VPS13B: variants seen among roughly 807,000 people sequenced by gnomAD.
VPS13B encodes the protein intermembrane lipid transfer protein VPS13B.
In VPS13B, 285 loss-of-function variants were observed where a neutral mutation model predicts 426.4. The ratio of observed to expected loss-of-function variants is 0.67; its 90% CI spans 0.61 to 0.74. VPS13B has a LOEUF of 0.74. VPS13B is among the 30% of genes least tolerant of loss of function. The probability of loss-of-function intolerance (pLI) is 0.00; values close to 1 mark genes in which losing one functional copy is unlikely to be tolerated. For synonymous variants in VPS13B, 1,676 were observed against 1,676.4 expected, an observed-to-expected ratio of 1.00 and a Z score of 0.01; for missense variants, 4,537 against 4,782.6, an observed-to-expected ratio of 0.95 and a Z score of 1.51.
intron 35 of VPS13B, among the ~76,000 whole-genome samples, chr8:99,698,268 G>A (rs550209840): frequency 5.9e-5 from 9 of 152,314 alleles, no homozygotes; most frequent in African/African-American, 2.2e-4. Flanking sequence ...GCAGCTGCCT[G>A]ACTCCAGAGG....
intron 33 of VPS13B, 73 bp downstream of exon 33, chr8:99,577,706 A>C (rs1414685015): frequency 6.4e-7 from 1 of 1,563,676 alleles, no homozygotes; most frequent in African/African-American, 1.4e-5. Context: ...GAAAACTATA[A>C]TTAAGCTGAC....
At chr8:99,057,753 A>G (rs1257534068) in intron 3 of VPS13B, among the ~76,000 whole-genome samples, 1 of 152,174 alleles carries the variant, frequency 6.6e-6, no homozygotes, top group Non-Finnish European at 1.5e-5. Context: ...TCAGTGAACA[A>G]TTCCACTGTG....
chr8:99,295,275 C>G (rs1455630337), intron 19 of VPS13B, among the ~76,000 whole-genome samples: 2 of 152,012 alleles, frequency 1.3e-5, no homozygotes, highest in South Asian at 4.1e-4. Context: ...AATGATACAT[C>G]TATAAACAGC....
chr8:99,197,030 G>A (rs1306750298), intron 17 of VPS13B, among the ~76,000 whole-genome samples: 4 of 152,092 alleles, frequency 2.6e-5, no homozygotes, highest in South Asian at 4.1e-4. Context: ...TTTTGATCAC[G>A]AGAGGCTGTT....
chr8:99,511,104 A>G lies in VPS13B; in HGVS notation c.4225A>G (p.Thr1409Ala), dbSNP rs1444137459. 2.5e-6 allele frequency: 4 copies of G among 1,612,312 alleles called. No individual in the cohort carries two copies. The highest frequency in any genetic ancestry group is 1.3e-5 in the African/African-American group (1 of 75,024). The change falls in exon 29 of 62, where the codon ACA becomes GCA. Residue 1409 changes from threonine to alanine, a missense_variant and splice_region_variant. Thr to Ala is a moderately conservative substitution (Grantham distance 58). Transcript: ENST00000357162. Reference protein sequence around the residue: ...VFLQCKEKSVTTTKLLDGTHQ... With the variant: ...VFLQCKEKSVATTKLLDGTHQ... ...TTGTGATTTCCTTTTTTTGGAACAG[A>G]CAACTACAAAACTTCTAGATGGCAC...
intron 35 of VPS13B, among the ~76,000 whole-genome samples, chr8:99,689,431 G>A (rs1250648118): frequency 6.6e-6 from 1 of 152,096 alleles, no homozygotes; most frequent in Non-Finnish European, 1.5e-5. Context: ...AAATGCACAG[G>A]ATATTCCAAA....
At chr8:99,398,751 G>T (rs973566545) in intron 21 of VPS13B, among the ~76,000 whole-genome samples, 2 of 151,344 alleles carry the variant, frequency 1.3e-5, no homozygotes, top group African/African-American at 4.8e-5. Flanking sequence ...ATAAGACTAT[G>T]TATCATTATA....
At chr8:99,019,904 G>A (rs1841804530) in intron 2 of VPS13B, among the ~76,000 whole-genome samples, 1 of 152,164 alleles carries the variant, frequency 6.6e-6, no homozygotes, top group South Asian at 2.1e-4. Flanking sequence ...TAGTTGGGTT[G>A]CTTTCATCTT....
At chr8:99,536,797 CACAACCTCA>C in intron 30 of VPS13B, 1 of 525,246 alleles carries the variant, frequency 1.9e-6, no homozygotes, top group South Asian at 1.4e-5. Context: ...TTCAGTGAGA[CACAACCTCA>C]GTGTTTCCAG....
At chr8:99,619,247 G>C (rs1222314571) in intron 33 of VPS13B, among the ~76,000 whole-genome samples, 2 of 152,164 alleles carry the variant, frequency 1.3e-5, no homozygotes, top group Non-Finnish European at 2.9e-5. Flanking sequence ...CAAAGGAAAG[G>C]AAGATCACCC....
intron 15 of VPS13B, among the ~76,000 whole-genome samples, chr8:99,168,023 T>C (rs562887568): frequency 6.6e-6 from 1 of 152,284 alleles, no homozygotes; most frequent in South Asian, 2.1e-4. Context: ...ATATAGGTTT[T>C]GTAAATCTAT....
chr8:99,728,807 G>C (rs1833465564), intron 39 of VPS13B, among the ~76,000 whole-genome samples: 1 of 152,178 alleles, frequency 6.6e-6, no homozygotes, highest in Admixed American at 6.5e-5. Context: ...TTAATATCAA[G>C]ATACAGTGGG....
At chr8:99,197,852 A>C (rs1814032342) in intron 17 of VPS13B, among the ~76,000 whole-genome samples, 1 of 151,962 alleles carries the variant, frequency 6.6e-6, no homozygotes, top group African/African-American at 2.4e-5. Context: ...ATGTTGTTTA[A>C]TTTTCACATA....
At chr8:99,224,890 A>C (rs1815926796) in intron 17 of VPS13B, among the ~76,000 whole-genome samples, 1 of 152,114 alleles carries the variant, frequency 6.6e-6, no homozygotes, top group Non-Finnish European at 1.5e-5. Flanking sequence ...TTAGATTCAA[A>C]GTTCCTCCCA....
At chr8:99,438,903 T>C (rs989854441) in intron 22 of VPS13B, among the ~76,000 whole-genome samples, 3 of 152,172 alleles carry the variant, frequency 2.0e-5, no homozygotes, top group African/African-American at 4.8e-5. Flanking sequence ...ATGAGGCTAA[T>C]AATATATGGG....
intron 40 of VPS13B, 79 bp from the exon 41 acceptor site, chr8:99,776,696 C>A: frequency 7.5e-7 from 1 of 1,335,158 alleles, no homozygotes; most frequent in Non-Finnish European, 1.1e-6. Flanking sequence ...TTTTAGAAAC[C>A]CTTATAAAAA....
chr8:99,030,103 G>C (rs919655904), intron 2 of VPS13B, among the ~76,000 whole-genome samples: 1 of 99,270 alleles, frequency 1.0e-5, no homozygotes, highest in Non-Finnish European at 2.1e-5. Context: ...TGCTTTGTCT[G>C]TTCTCTTCTT....
In VPS13B at chr8:99,349,342, A is replaced by AAAAAAG. The variant is rs1220808861; in HGVS notation, c.2825-34861_2825-34860insGAAAAA. Among the ~76,000 whole-genome samples the AAAAAAG allele has an allele frequency of 6.7e-5, 10 of 149,376 alleles. 1 individual carries two copies. The highest frequency in any genetic ancestry group is 2.5e-4 in the African/African-American group (10 of 40,758). ...AGCGAGACTCCGTCTCAAAAAAAAA[A>AAAAAAG]AAAAAAAAAAAAAGAAAATAGCATG... is the stretch of plus-strand genomic sequence containing the variant. On this transcript the variant is annotated intron_variant, in intron 19 of 61. Transcript: ENST00000357162.
In VPS13B at chr8:99,848,875, A is replaced by G. The variant is rs777046028; in HGVS notation, c.10042A>G (p.Ile3348Val). The change falls in exon 55 of 62, where the codon ATT becomes GTT. Residue 3348 changes from isoleucine to valine, a missense_variant. Ile to Val is a conservative substitution (Grantham distance 29). Around this residue, in one of 2 missense-constraint regions of VPS13B, gnomAD observed 4,311 missense variants for 4,474.3 expected, o/e 0.96. Coordinates refer to ENST00000357162, the MANE Select transcript of VPS13B (RefSeq NM_152564.5). ...GGCCCCAGAAGGAAAAGCAGGACCT[A>G]TTTTAACCAATACCAACAGGTAGGT... ...TVAPEGKAGPILTNTNRAPEK... is the reference protein window; with the variant it reads ...TVAPEGKAGPVLTNTNRAPEK... The G allele has an allele frequency of 9.3e-6, 15 of 1,614,046 alleles. No individual in the cohort carries two copies. Among genetic ancestry groups the G allele is most frequent in the Admixed American group, 6.7e-5 (4 of 60,010 alleles).
Sources: gnomAD v4.1 joint callset for allele counts (sites outside exome capture counted in the v4.1 genomes callset) on GRCh38, gnomAD v4.1.1 for gene constraint, gnomAD v4.1.1 regional missense constraint, MANE v1.5 for transcripts, NCBI Gene and HGNC (gene_info 2026-07-23, HGNC 2026-07-21) for gene names.